Variants in ADARB1 observed in about 807,000 individuals in gnomAD.
ADARB1 encodes the protein adenosine deaminase RNA specific B1.
A neutral mutation model predicts 52.4 loss-of-function variants in ADARB1; 10 were observed. That is an observed-to-expected ratio of 0.19 (90% CI 0.12 to 0.32). The LOEUF is 0.32. Among genes scored for constraint, ADARB1 ranks in the 10% least tolerant of loss-of-function variants. ADARB1 has a pLI of 1.00. For synonymous variants in ADARB1, 349 were observed against 371.1 expected (o/e 0.94, Z 0.68); for missense variants, 643 against 922.3 (o/e 0.70, Z 3.92).
At chr21:45,156,729 C>T (rs1298845211) in intron 2 of ADARB1, among the ~76,000 whole-genome samples, 3 of 152,152 alleles carry the variant, frequency 2.0e-5, no homozygotes, top group Admixed American at 6.5e-5. Context: ...TTACACCCTT[C>T]TCTGCATGCT....
chr21:45,161,925 G>C (rs2090993184), intron 2 of ADARB1, among the ~76,000 whole-genome samples: 1 of 152,180 alleles, frequency 6.6e-6, no homozygotes, highest in African/African-American at 2.4e-5. Flanking sequence ...GGGTCTCTCT[G>C]AGCTGTTCTG....
At chr21:45,083,022 C>T (rs565355706) in intron 1 of ADARB1, among the ~76,000 whole-genome samples, 2 of 152,336 alleles carry the variant, frequency 1.3e-5, no homozygotes, top group East Asian at 3.9e-4. Context: ...CCATTGTGTG[C>T]TGCGTGCCCT....
In ADARB1 at chr21:45,198,514, CACACACAT is replaced by C. The variant is rs1281854726; in HGVS notation, c.1566-6033_1566-6026del. On this transcript the variant is annotated intron_variant, in intron 8 of 10. Transcript: ENST00000348831. ...AAATTAAATCACACACACACACACA[CACACACAT>C]ACACACACACACAGAGAATAAATTA... Among the ~76,000 whole-genome samples the C allele has an allele frequency of 7.2e-4, 109 of 151,716 alleles. No individual in the cohort carries two copies. The Middle Eastern group carries it at 0.014, about 19-fold the overall frequency.
chr21:45,177,621 A>G (rs923222173), intron 4 of ADARB1: 1 of 152,184 alleles, frequency 6.6e-6, no homozygotes, highest in African/African-American at 2.4e-5. Context: ...ATTACTTTGT[A>G]TCAGAGTCTT....
chr21:45,075,349 CGCCCGGGATGAGGCTGG>C (rs958859482), intron 1 of ADARB1, among the ~76,000 whole-genome samples: 4 of 151,854 alleles, frequency 2.6e-5, no homozygotes, highest in African/African-American at 9.7e-5. Context: ...CGGCAGGCTG[CGCCCGGGATGAGGCTGG>C]GCCCGGGCAG....
intron 2 of ADARB1, among the ~76,000 whole-genome samples, chr21:45,163,674 A>G (rs3788171): frequency 0.11 from 17,505 of 152,230 alleles, 1,363 homozygotes; most frequent in African/African-American, 0.21. Flanking sequence ...TCACCACAAT[A>G]GTAGCACATG....
rs376147047 is a variant in ADARB1, at chr21:45,076,511, A to C, written c.-220+1718A>C. 6.6e-5 allele frequency among the ~76,000 whole-genome samples: 10 copies of C among 152,312 alleles called. No individual in the cohort carries two copies. The East Asian group carries it at 1.5e-3, about 23-fold the overall frequency. On this transcript the variant is annotated intron_variant, in intron 1 of 10. Coordinates refer to ENST00000348831, the MANE Select transcript of ADARB1 (RefSeq NM_001112.4). ...TTGAAGCTGTAGTTGGAAAGGAAAA[A>C]AGGAGGCCCTCCTGCAGGGACAGGG...
chr21:45,220,732 C>T lies in ADARB1; in HGVS notation c.1748-104C>T, dbSNP rs2092948935. 11 of 1,236,444 alleles carry T rather than the reference C, an allele frequency of 8.9e-6. No homozygotes were observed. Among genetic ancestry groups the T allele is most frequent in the South Asian group, 1.4e-5 (1 of 73,816 alleles). 76.6% of individuals were successfully genotyped at this position (1,236,444 alleles called of 1,614,324 possible). A position where few individuals can be genotyped will look rare whatever the true frequency, so the allele number is the denominator to read the frequency against. ...CTCGGCAGGCAGAATTCCCCCACCA[C>T]GCACTTCTGTGGCCATGTCTGAGCA... is the stretch of plus-strand genomic sequence containing the variant. On this transcript the variant is annotated intron_variant, in intron 9 of 10. Coordinates refer to ENST00000348831, the MANE Select transcript of ADARB1 (RefSeq NM_001112.4). This position sits in a 1 kb window ranked among gnomAD's most constrained non-coding sequence, Gnocchi z 6.3.
At chr21:45,201,179 A>G (rs2092546587) in intron 8 of ADARB1, among the ~76,000 whole-genome samples, 1 of 152,090 alleles carries the variant, frequency 6.6e-6, no homozygotes, top group South Asian at 2.1e-4. Context: ...GCAGAGCTTT[A>G]CTTGTTTTAT....
At chr21:45,197,128 A>T (rs1484234005) in intron 8 of ADARB1, among the ~76,000 whole-genome samples, 3 of 152,234 alleles carry the variant, frequency 2.0e-5, no homozygotes, top group African/African-American at 7.2e-5. Context: ...CAGTGAGCTG[A>T]GATTGCGCCA....
chr21:45,106,318 C>G (rs183670697), intron 1 of ADARB1, among the ~76,000 whole-genome samples: 2 of 152,184 alleles, frequency 1.3e-5, no homozygotes, highest in East Asian at 3.9e-4. Flanking sequence ...ATGTTTCAAC[C>G]TAGACTCGTG....
At chr21:45,108,453 A>G (rs180849810) in intron 1 of ADARB1, among the ~76,000 whole-genome samples, 1 of 152,348 alleles carries the variant, frequency 6.6e-6, no homozygotes, top group Non-Finnish European at 1.5e-5. Flanking sequence ...GTTAACTTCT[A>G]AATTTATTCT....
At chr21:45,095,834 G>A (rs2086736090) in intron 1 of ADARB1, among the ~76,000 whole-genome samples, 1 of 152,216 alleles carries the variant, frequency 6.6e-6, no homozygotes, top group Non-Finnish European at 1.5e-5. Context: ...ATAAGGCTCT[G>A]TGAGTAAGGG....
chr21:45,183,200 T>C (rs935834479), intron 6 of ADARB1, among the ~76,000 whole-genome samples, 162 bp from the exon 7 acceptor site: 6 of 152,240 alleles, frequency 3.9e-5, no homozygotes, highest in African/African-American at 1.4e-4. Context: ...ATATCCATTA[T>C]TGAGTGACAA....
intron 2 of ADARB1, chr21:45,133,624 G>T: frequency 7.9e-6 from 2 of 253,010 alleles, no homozygotes; most frequent in South Asian, 3.9e-5. Flanking sequence ...TGCTAACACT[G>T]CACTGACTGA....
At chr21:45,134,493 A>G (rs946054699) in intron 2 of ADARB1, among the ~76,000 whole-genome samples, 1 of 146,900 alleles carries the variant, frequency 6.8e-6, no homozygotes, top group Non-Finnish European at 1.5e-5. Flanking sequence ...GGGTACGTAC[A>G]CTCGGGGTGT....
At chr21:45,102,952 A>C (rs1158889459) in intron 1 of ADARB1, among the ~76,000 whole-genome samples, 2 of 152,202 alleles carry the variant, frequency 1.3e-5, no homozygotes, top group African/African-American at 2.4e-5. Flanking sequence ...CACAGTGGTC[A>C]GTCACGGTGA....
At chr21:45,096,137 G>A (rs1382808422) in intron 1 of ADARB1, among the ~76,000 whole-genome samples, 1 of 152,228 alleles carries the variant, frequency 6.6e-6, no homozygotes, top group Non-Finnish European at 1.5e-5. Flanking sequence ...GCATGGCTGG[G>A]GGCAAGCCCC....
At chr21:45,089,839 T>C (rs1203305310) in intron 1 of ADARB1, among the ~76,000 whole-genome samples, 1 of 152,238 alleles carries the variant, frequency 6.6e-6, no homozygotes, top group Admixed American at 6.5e-5. Flanking sequence ...CAGCTTGTCA[T>C]TTGTGTCTCA....
Sources: allele counts gnomAD v4.1 joint callset (sites outside exome capture counted in the v4.1 genomes callset), GRCh38; gene constraint gnomAD v4.1.1; non-coding constraint Gnocchi (gnomAD v3.1); transcripts MANE v1.5; gene names NCBI Gene and HGNC (gene_info 2026-07-23, HGNC 2026-07-21).